DAB1: variants seen among roughly 807,000 people sequenced by gnomAD.
DAB1 encodes the protein disabled homolog 1.
A neutral mutation model predicts 64.6 loss-of-function variants in DAB1; 15 were observed. The ratio of observed to expected loss-of-function variants is 0.23; its 90% confidence interval spans 0.16 to 0.36. The LOEUF is 0.36. DAB1 is among the 10% of genes least tolerant of loss of function. The pLI is 1.00. For synonymous variants in DAB1, 235 were observed against 251.9 expected, an observed-to-expected ratio of 0.93 and a Z score of 0.64; for missense variants, 596 against 706.7, an observed-to-expected ratio of 0.84 and a Z score of 1.78.
At chr1:57,177,554 G>A (rs949069145) in intron 2 of DAB1, among the ~76,000 whole-genome samples, 1 of 152,120 alleles carries the variant, frequency 6.6e-6, no homozygotes, top group Non-Finnish European at 1.5e-5. Flanking sequence ...AACCAAAGCA[G>A]TCTTTGCCTT....
intron 3 of DAB1, among the ~76,000 whole-genome samples, chr1:58,344,543 C>T (rs756323718): frequency 1.3e-5 from 2 of 152,142 alleles, no homozygotes; most frequent in African/African-American, 4.8e-5. Context: ...TCTCACCCTC[C>T]ACCCCCTGCC....
intron 5 of DAB1, among the ~76,000 whole-genome samples, chr1:58,015,744 T>C (rs1646729344): frequency 6.6e-6 from 1 of 152,136 alleles, no homozygotes; most frequent in South Asian, 2.1e-4. Context: ...TTTAAAACAT[T>C]TCAGAGATCA....
chr1:57,207,986 T>A (rs1665727766), intron 2 of DAB1, among the ~76,000 whole-genome samples: 1 of 152,132 alleles, frequency 6.6e-6, no homozygotes, highest in Non-Finnish European at 1.5e-5. Context: ...GGTGGGGAAA[T>A]ACTTCCTGTC....
intron 7 of DAB1, among the ~76,000 whole-genome samples, chr1:57,591,748 TTTA>T (rs1645447866): frequency 6.6e-6 from 1 of 152,196 alleles, no homozygotes; most frequent in South Asian, 2.1e-4. Context: ...GTAAGCAGAA[TTTA>T]TTATTTTTTG....
intron 3 of DAB1, among the ~76,000 whole-genome samples, chr1:58,452,685 G>A (rs1195889730): frequency 3.3e-5 from 5 of 150,480 alleles, no homozygotes; most frequent in African/African-American, 1.2e-4. Flanking sequence ...AATTAGCTGG[G>A]CATGATGGTG....
intron 1 of DAB1, among the ~76,000 whole-genome samples, chr1:57,351,622 A>G (rs1678596209): frequency 6.6e-6 from 1 of 152,130 alleles, no homozygotes; most frequent in Admixed American, 6.5e-5. Flanking sequence ...ACTAAAGGGT[A>G]ATACACATAG....
At chr1:58,533,904 A>G in intron 1 of DAB1, 1 of 842,018 alleles carries the variant, frequency 1.2e-6, no homozygotes, top group Non-Finnish European at 2.1e-6. Context: ...TTAACTTGTT[A>G]ACTTCAAAGC....
intron 4 of DAB1, among the ~76,000 whole-genome samples, chr1:58,310,965 T>C (rs1190426533): frequency 6.6e-6 from 1 of 152,086 alleles, no homozygotes. Context: ...TCTTTGACCT[T>C]AGTAAGACTC....
chr1:57,717,326 C>A (rs1159005512), intron 6 of DAB1, among the ~76,000 whole-genome samples: 3 of 150,078 alleles, frequency 2.0e-5, no homozygotes, highest in African/African-American at 4.9e-5. Context: ...AAAAAATGAT[C>A]AAAAAAATCA....
rs12048580 is a variant in DAB1 at position 58,136,428 on chromosome 1, A to G, written n.387+14083T>C. Among the ~76,000 whole-genome samples, 39 of 152,288 alleles carry G rather than the reference A, an allele frequency of 2.6e-4. No homozygotes were observed. The East Asian group carries it at 5.4e-3, about 21-fold the overall frequency. ...ACAGCCTATCAGAACCTAGGGCATC[A>G]GTGTCCAGTGGTCTCACAATACTGA... On this transcript the variant is annotated intron_variant and non_coding_transcript_variant, in intron 5 of 20. Transcript: ENST00000485760.
intron 6 of DAB1, among the ~76,000 whole-genome samples, chr1:57,765,879 C>A (rs1036946826): frequency 1.3e-5 from 2 of 152,160 alleles, no homozygotes; most frequent in Non-Finnish European, 2.9e-5. Flanking sequence ...GATCTGCCCA[C>A]CTTGGCCTCC....
At chr1:57,023,059 C>G (rs1403431093) in intron 11 of DAB1, among the ~76,000 whole-genome samples, 1 of 152,250 alleles carries the variant, frequency 6.6e-6, no homozygotes, top group East Asian at 1.9e-4. Flanking sequence ...GCAGTTTGCT[C>G]TTGTCCCATA....
At chr1:57,628,634 C>T (rs541001448) in intron 7 of DAB1, among the ~76,000 whole-genome samples, 33 of 152,136 alleles carry the variant, frequency 2.2e-4, no homozygotes, top group South Asian at 4.2e-4. Flanking sequence ...TGGTCATATA[C>T]GACCCTATTT....
intron 5 of DAB1, among the ~76,000 whole-genome samples, chr1:57,926,966 CA>C (rs1644888631): frequency 6.6e-6 from 1 of 152,180 alleles, no homozygotes; most frequent in African/African-American, 2.4e-5. Flanking sequence ...CCCTTCCTAG[CA>C]GCCTTAAGTG....
chr1:58,180,309 TTG>T (rs1656720157), intron 4 of DAB1, among the ~76,000 whole-genome samples: 2 of 99,682 alleles, frequency 2.0e-5, no homozygotes, highest in African/African-American at 3.2e-5. Flanking sequence ...TTTTTTTTTT[TTG>T]AGATAGGATC....
At chr1:57,909,513 G>A (rs1644608797) in intron 5 of DAB1, among the ~76,000 whole-genome samples, 1 of 152,130 alleles carries the variant, frequency 6.6e-6, no homozygotes, top group Admixed American at 6.5e-5. Flanking sequence ...AACTTAAAAA[G>A]TGAACAGAAT....
At chr1:58,323,954 G>A (rs74658876) in intron 4 of DAB1, among the ~76,000 whole-genome samples, 8,970 of 148,810 alleles carry the variant, frequency 0.06, 666 homozygotes, top group East Asian at 0.23. Flanking sequence ...CTTAGTTACT[G>A]CTCTCAGAAA....
chr1:57,110,547 T>C (rs1471194023), intron 4 of DAB1, among the ~76,000 whole-genome samples: 1 of 152,236 alleles, frequency 6.6e-6, no homozygotes, highest in Non-Finnish European at 1.5e-5. Flanking sequence ...TTAAAAACAA[T>C]TCGTTGATTC....
chr1:58,301,256 T>A, intron 4 of DAB1, among the ~76,000 whole-genome samples: 1 of 151,164 alleles, frequency 6.6e-6, no homozygotes, highest in Non-Finnish European at 1.5e-5. Flanking sequence ...TGAAATTAAC[T>A]AAGTCAATAA....
Sources: gnomAD v4.1 joint callset for allele counts (sites outside exome capture counted in the v4.1 genomes callset) on GRCh38, gnomAD v4.1.1 for gene constraint, MANE v1.5 for transcripts, NCBI Gene and HGNC (gene_info 2026-07-23, HGNC 2026-07-21) for gene names.